Variants in NEK8 observed in about 807,000 individuals in gnomAD.
NEK8 encodes serine/threonine-protein kinase Nek8.
A neutral mutation model predicts 77.2 loss-of-function variants in NEK8; 51 were observed. That is an observed-to-expected ratio of 0.66 (90% CI 0.53 to 0.83). The LOEUF (loss-of-function observed/expected upper bound fraction) is 0.83. NEK8 is among the 40% of genes least tolerant of loss of function. The pLI, the probability that NEK8 is intolerant of heterozygous loss-of-function variation, is 0.00. For synonymous variants in NEK8, 365 were observed against 363.2 expected, an observed-to-expected ratio of 1.00 and a Z score of -0.06; for missense variants, 787 against 909.2, an observed-to-expected ratio of 0.87 and a Z score of 1.73.
chr17:28,733,756 A>G (rs920839985), intron 1 of NEK8, among the ~76,000 whole-genome samples: 1 of 152,222 alleles, frequency 6.6e-6, no homozygotes, highest in African/African-American at 2.4e-5. Flanking sequence ...GGGAACTTAG[A>G]GATCAAGACT....
rs2034335747 is a variant in NEK8 at position 28,733,993 on chromosome 17, C to A, written c.58C>A (p.Leu20Met). Residue 20 changes from leucine (L) to methionine (M), a missense_variant, in exon 2 of 15, where the codon CTG becomes ATG. Physicochemically the swap from Leu to Met is conservative, Grantham distance 15. Around this residue, in one of 2 missense-constraint regions of NEK8, gnomAD observed 271 missense variants for 365.1 expected, o/e 0.74. Coordinates refer to ENST00000268766, the MANE Select transcript of NEK8 (RefSeq NM_178170.3). ...VGRGAFGIVHLCLRKADQKLV... is the reference protein window; with the variant it reads ...VGRGAFGIVHMCLRKADQKLV... ...CCTCCGTATCCCTAGGATTGTGCAC[C>A]TGTGCCTGCGAAAGGCTGACCAGAA... 1 of 1,614,162 alleles carries A rather than the reference C, an allele frequency of 6.2e-7. No individual in the cohort carries two copies. The highest frequency in any genetic ancestry group is 2.2e-5 in the East Asian group (1 of 44,890).
intron 2 of NEK8, 189 bp downstream of exon 2, chr17:28,734,377 G>A (rs1020385383): frequency 4.7e-6 from 3 of 634,574 alleles, no homozygotes; most frequent in Admixed American, 2.6e-5. Flanking sequence ...CATAAAAGGA[G>A]AGGGGTTGTT....
At chr17:28,732,116 G>C (rs2034314010) in intron 1 of NEK8, among the ~76,000 whole-genome samples, 1 of 150,996 alleles carries the variant, frequency 6.6e-6, no homozygotes, top group Admixed American at 6.6e-5. Flanking sequence ...ATTTTTAGTA[G>C]AGACGGGGTT....
chr17:28,738,293 A>T (rs2034387476), intron 8 of NEK8, 48 bp downstream of exon 8: 4 of 1,607,750 alleles, frequency 2.5e-6, no homozygotes, highest in Non-Finnish European at 3.4e-6. Flanking sequence ...GGCCCCACAG[A>T]GCACCTTCTC....
rs1050615167 is a variant in NEK8, at chr17:28,735,776, A to T, written c.618+405A>T. ...AGGGCAAAGCTGTTATTGTTTATTT[A>T]TTTATTTTTTTTATTATACTTTAAG... On this transcript the variant is annotated intron_variant, in intron 4 of 14. Transcript: ENST00000268766. 7.4e-4 allele frequency among the ~76,000 whole-genome samples: 110 copies of T among 149,488 alleles called. 1 individual carries two copies. Among genetic ancestry groups the T allele is most frequent in the African/African-American group, 2.6e-3 (105 of 40,438 alleles).
intron 1 of NEK8, among the ~76,000 whole-genome samples, chr17:28,731,708 ATTC>A (rs2034308761): frequency 6.7e-6 from 1 of 148,228 alleles, no homozygotes; most frequent in Non-Finnish European, 1.5e-5. Context: ...GGTTCACGCC[ATTC>A]TTCTGCCTCA....
In NEK8 at chr17:28,734,183, C is replaced by A. The variant is rs769455568; in HGVS notation, c.248C>A (p.Ala83Glu). ...DKALMIAMEY[A>E]PGGTLAEFIQ... Reference sequence around the variant, plus strand: ...GCCCTTATGATCGCCATGGAATATGCACCAGGTGGGCCAGCCTCCTTACAG... The same window carrying A: ...GCCCTTATGATCGCCATGGAATATGAACCAGGTGGGCCAGCCTCCTTACAG... Residue 83 changes from alanine to glutamate, a missense_variant, in exon 2 of 15, where the codon GCA (alanine) becomes GAA (glutamate). By Grantham distance (107) the Ala-to-Glu change is moderately radical (BLOSUM62 -1). Coordinates refer to ENST00000268766, the MANE Select transcript of NEK8 (RefSeq NM_178170.3). The A allele has an allele frequency of 6.2e-7, 1 of 1,614,032 alleles. No homozygotes were observed. The highest frequency in any genetic ancestry group is 2.2e-5 in the East Asian group (1 of 44,880).
At chr17:28,734,588 G>A (rs1597805326) in intron 2 of NEK8, 184 bp from the exon 3 acceptor site, 3 of 612,302 alleles carry the variant, frequency 4.9e-6, no homozygotes, top group East Asian at 2.8e-5. Context: ...GGAGGCTGAG[G>A]CAGGAGAATG....
Position 28,734,035 on chromosome 17 carries a change from C to A in NEK8, c.100C>A (p.Gln34Lys). The A allele has an allele frequency of 1.2e-6, 2 of 1,614,226 alleles. No individual in the cohort carries two copies. The highest frequency in any genetic ancestry group is 1.7e-6 in the Non-Finnish European group (2 of 1,180,038). ...KADQKLVIIKQIPVEQMTKEE... is the reference protein window; with the variant it reads ...KADQKLVIIKKIPVEQMTKEE... ...TGACCAGAAGCTGGTGATCATCAAG[C>A]AGATTCCAGTGGAACAGATGACCAA... is the stretch of plus-strand genomic sequence containing the variant. Residue 34 changes from glutamine to lysine, a missense_variant, in exon 2 of 15, where the codon CAG becomes AAG. Around this residue, in one of 2 missense-constraint regions of NEK8, gnomAD observed 271 missense variants for 365.1 expected, o/e 0.74. Transcript: ENST00000268766.
At position 28,737,986 on chromosome 17, in the gene NEK8, CTCATCCT is replaced by C; in HGVS notation, c.1058_1064del (p.Leu353ArgfsTer7). ...AGCCGGCGTCACGCGCTCTGGGCGTCTCATCCTGTGGGAGGTGAGCAGGCCAGGGGGT... is the reference window on the plus strand; with the variant it reads ...AGCCGGCGTCACGCGCTCTGGGCGTCGTGGGAGGTGAGCAGGCCAGGGGGT... On this transcript the variant is annotated frameshift_variant, in exon 7 of 15. Coordinates refer to ENST00000268766, the MANE Select transcript of NEK8 (RefSeq NM_178170.3). LOFTEE classifies it high-confidence loss of function. This position sits in a 1 kb window ranked among gnomAD's most constrained non-coding sequence, Gnocchi z 4.8. 1 of 1,612,114 alleles carries C rather than the reference CTCATCCT, an allele frequency of 6.2e-7. No homozygotes were observed.
Position 28,741,625 on chromosome 17 carries a change from A to G in NEK8, c.2050+54A>G, listed in dbSNP as rs990075838. 3 of 1,578,716 alleles carry G rather than the reference A, an allele frequency of 1.9e-6. No individual in the cohort carries two copies. The highest frequency in any genetic ancestry group is 2.2e-5 in the East Asian group (1 of 44,714). ...CACAGCCCAGCTGGCCCCTGTCCACACTCCCATCCCCAGTGTTCACAGATG... is the reference window on the plus strand; with the variant it reads ...CACAGCCCAGCTGGCCCCTGTCCACGCTCCCATCCCCAGTGTTCACAGATG... On this transcript the variant is annotated intron_variant, in intron 14 of 14. Transcript: ENST00000268766. The surrounding 1 kb of genome is among the most constrained non-coding windows in gnomAD (Gnocchi z 4.5).
Position 28,734,818 on chromosome 17 carries a change from G to T in NEK8, c.300G>T (p.Leu100=). Reference sequence around the variant, plus strand: ...TCCAAAAGCGCTGTAATTCCCTGCTGGAGGAGGAGACCATCCTGCACTTCT... The same window carrying T: ...TCCAAAAGCGCTGTAATTCCCTGCTTGAGGAGGAGACCATCCTGCACTTCT... ...EFIQKRCNSL[L]EEETILHFFV... The change falls in exon 3 of 15, where the codon CTG becomes CTT. Residue 100 remains leucine (L), a synonymous_variant. Transcript: ENST00000268766. 1 of 1,613,882 alleles carries T rather than the reference G, an allele frequency of 6.2e-7. No homozygotes were observed.
At chr17:28,731,432 G>A (rs1284773196) in intron 1 of NEK8, among the ~76,000 whole-genome samples, 1 of 151,720 alleles carries the variant, frequency 6.6e-6, no homozygotes, top group East Asian at 2.0e-4. Context: ...CCAGCTACTC[G>A]GGAGGCTGAG....
chr17:28,734,241 C>T (rs2034339032), intron 2 of NEK8, 53 bp downstream of exon 2: 7 of 1,471,398 alleles, frequency 4.8e-6, no homozygotes, highest in Non-Finnish European at 6.7e-6. Flanking sequence ...ACCTCTGGGA[C>T]AGGCAGACAC....
At chr17:28,739,274 C>T in intron 10 of NEK8, 73 bp downstream of exon 10, 1 of 910,962 alleles carries the variant, frequency 1.1e-6, no homozygotes, top group East Asian at 2.4e-5. Context: ...ACCCACCTTC[C>T]ACCTCACAGC....
chr17:28,729,596 G>A (rs965143559), intron 1 of NEK8, among the ~76,000 whole-genome samples: 1 of 139,468 alleles, frequency 7.2e-6, no homozygotes, highest in Admixed American at 7.6e-5. Flanking sequence ...GATCTCGAGT[G>A]CAGTGGCACT....
At chr17:28,730,107 T>G (rs2034292232) in intron 1 of NEK8, among the ~76,000 whole-genome samples, 1 of 152,142 alleles carries the variant, frequency 6.6e-6, no homozygotes, top group Admixed American at 6.6e-5. Context: ...CAAACGGTTT[T>G]GTTTTGTTTT....
chr17:28,742,193 C>G lies in NEK8; in HGVS notation c.*206C>G. ...TTCTCCTACCACCTCTTTGCCCTTC[C>G]TACCCCTTCCTCCCTTCAGTCAGTG... On this transcript the variant is annotated 3_prime_UTR_variant, in exon 15 of 15. Transcript: ENST00000268766. The G allele has an allele frequency of 1.5e-6, 1 of 663,324 alleles. No individual in the cohort carries two copies. The highest frequency in any genetic ancestry group is 2.8e-6 in the Non-Finnish European group (1 of 363,632). The allele number at this position is 663,324 out of a possible 1,614,324, so 41.1% of individuals were successfully genotyped here. A position where few individuals can be genotyped will look rare whatever the true frequency, so the allele number is the denominator to read the frequency against.
chr17:28,729,236 G>A (rs1248548120), intron 1 of NEK8, among the ~76,000 whole-genome samples: 2 of 152,342 alleles, frequency 1.3e-5, no homozygotes, highest in Non-Finnish European at 2.9e-5. Flanking sequence ...ACATTATGAA[G>A]TAAGAAGTTA....
Sources: allele counts gnomAD v4.1 joint callset (sites outside exome capture counted in the v4.1 genomes callset), GRCh38; gene constraint gnomAD v4.1.1; regional missense constraint gnomAD v4.1.1; non-coding constraint Gnocchi (gnomAD v3.1); transcripts MANE v1.5; gene names NCBI Gene and HGNC (gene_info 2026-07-23, HGNC 2026-07-21).